Variants in LRRC37A2 observed in about 807,000 individuals in gnomAD.
LRRC37A2 encodes leucine rich repeat containing 37 member A2, also known as leucine-rich repeat-containing protein 37A2.
In LRRC37A2, 9 loss-of-function variants were observed where a neutral mutation model predicts 68.8. That is an observed-to-expected ratio of 0.13 (90% confidence interval 0.08 to 0.23). LRRC37A2 has a LOEUF of 0.23. LRRC37A2 is among the 10% of genes least tolerant of loss of function. The pLI is 1.00. For missense variants in LRRC37A2, 168 were observed against 950.4 expected (o/e 0.18, Z 10.82); for synonymous variants, 63 against 367.6 (o/e 0.17, Z 9.48).
At chr17:46,697,753 GGT>G in the LRRC37A2 span, among the ~76,000 whole-genome samples, 1 of 150,052 alleles carries the variant, frequency 6.7e-6, no homozygotes, top group Admixed American at 6.7e-5. Context: ...GGAGTGCAGT[GGT>G]GCAATCTCGG....
chr17:46,847,662 C>T, the LRRC37A2 span, among the ~76,000 whole-genome samples: 1 of 152,138 alleles, frequency 6.6e-6, no homozygotes, highest in Admixed American at 6.5e-5. Context: ...AGCATGGGCA[C>T]CTTCCCTCGG....
the LRRC37A2 span, among the ~76,000 whole-genome samples, chr17:46,969,420 G>A: frequency 3.9e-5 from 6 of 152,276 alleles, no homozygotes; most frequent in East Asian, 9.7e-4. Context: ...TGCTGGTTCC[G>A]CCACCTCCTC....
chr17:46,989,138 TGGA>T, the LRRC37A2 span, among the ~76,000 whole-genome samples: 1 of 152,118 alleles, frequency 6.6e-6, no homozygotes, highest in East Asian at 1.9e-4. Context: ...TTCTGCAAGG[TGGA>T]GGACTTTTGA....
At chr17:46,541,782 T>TA (rs1447056638) in intron 8 of LRRC37A2, among the ~76,000 whole-genome samples, 1 of 150,954 alleles carries the variant, frequency 6.6e-6, no homozygotes, top group Non-Finnish European at 1.5e-5. Context: ...ATTAGGTACT[T>TA]AGAGTATACC....
At chr17:46,943,740 C>T in the LRRC37A2 span, among the ~76,000 whole-genome samples, 5 of 152,194 alleles carry the variant, frequency 3.3e-5, no homozygotes, top group African/African-American at 7.2e-5. Context: ...ACTGATGCTA[C>T]GAGCCATGTG....
chr17:46,944,486 T>G, the LRRC37A2 span, among the ~76,000 whole-genome samples: 10 of 152,178 alleles, frequency 6.6e-5, no homozygotes, highest in Admixed American at 3.3e-4. Context: ...GCAGTGACCC[T>G]CAGCCTGGGC....
At chr17:46,839,817 G>A in the LRRC37A2 span, among the ~76,000 whole-genome samples, 6 of 152,168 alleles carry the variant, frequency 3.9e-5, no homozygotes, top group East Asian at 1.2e-3. Flanking sequence ...GAGAATGATG[G>A]TTTCCAGCTT....
At chr17:46,839,069 A>G in the LRRC37A2 span, among the ~76,000 whole-genome samples, 100 of 151,772 alleles carry the variant, frequency 6.6e-4, no homozygotes, top group Non-Finnish European at 1.0e-3. Flanking sequence ...GTAGAGACAG[A>G]CTTTCACCAT....
chr17:46,958,923 A>ATT, the LRRC37A2 span, among the ~76,000 whole-genome samples: 1 of 152,238 alleles, frequency 6.6e-6, no homozygotes, highest in Non-Finnish European at 1.5e-5. Flanking sequence ...TCCAAGAACT[A>ATT]TTACAAGGCT....
the LRRC37A2 span, among the ~76,000 whole-genome samples, chr17:46,896,072 A>G: frequency 6.6e-6 from 1 of 152,000 alleles, no homozygotes; most frequent in Non-Finnish European, 1.5e-5. Flanking sequence ...AGGTCAGGAG[A>G]TCGAGACCAT....
chr17:46,970,700 A>G, the LRRC37A2 span, among the ~76,000 whole-genome samples: 1 of 152,214 alleles, frequency 6.6e-6, no homozygotes, highest in Non-Finnish European at 1.5e-5. Flanking sequence ...GGGGGCTCAG[A>G]GACCCGGAAA....
chr17:46,904,607 G>T, the LRRC37A2 span, among the ~76,000 whole-genome samples: 5 of 152,058 alleles, frequency 3.3e-5, no homozygotes, highest in African/African-American at 9.7e-5. Context: ...CAGGTGAGTG[G>T]GTGGGTAGAT....
At chr17:47,000,597 TCTCTA>T in the LRRC37A2 span, among the ~76,000 whole-genome samples, 2 of 152,100 alleles carry the variant, frequency 1.3e-5, no homozygotes, top group African/African-American at 4.8e-5. Flanking sequence ...CCATCATGTC[TCTCTA>T]CTCCTCAATT....
At chr17:46,855,243 G>A in the LRRC37A2 span, among the ~76,000 whole-genome samples, 1 of 152,226 alleles carries the variant, frequency 6.6e-6, no homozygotes. Flanking sequence ...GGTGGAGGGA[G>A]CCTCCCTTCC....
chr17:46,842,989 G>A, the LRRC37A2 span, among the ~76,000 whole-genome samples: 1 of 152,282 alleles, frequency 6.6e-6, no homozygotes, highest in African/African-American at 2.4e-5. Flanking sequence ...AGGACCCAGG[G>A]TTCTCTCCAT....
the LRRC37A2 span, among the ~76,000 whole-genome samples, chr17:46,747,038 G>A: frequency 6.6e-6 from 1 of 152,144 alleles, no homozygotes; most frequent in Non-Finnish European, 1.5e-5. Flanking sequence ...TGGGAAAAAT[G>A]TACACATACT....
At chr17:47,041,679 CGATCCCCTGACCTCGT>C in the LRRC37A2 span, 1 of 102,974 alleles carries the variant, frequency 9.7e-6, no homozygotes, top group East Asian at 3.2e-4. Flanking sequence ...AGGATGGTCT[CGATCCCCTGACCTCGT>C]GATCCACCTG....
At chr17:46,559,011 C>T (rs1280508363), downstream of LRRC37A2, 1 of 85,120 alleles carries the variant, frequency 1.2e-5, no homozygotes, top group Non-Finnish European at 2.1e-5. Flanking sequence ...GCACACTCGG[C>T]GGTACTGCAG....
chr17:46,798,472 G>A, the LRRC37A2 span, among the ~76,000 whole-genome samples: 5 of 152,330 alleles, frequency 3.3e-5, no homozygotes, highest in East Asian at 1.9e-4. Flanking sequence ...TCAGCTTGCA[G>A]GAGAATAGCT....
Sources: gnomAD v4.1 joint callset for allele counts (sites outside exome capture counted in the v4.1 genomes callset) on GRCh38, gnomAD v4.1.1 for gene constraint, MANE v1.5 for transcripts, NCBI Gene and HGNC (gene_info 2026-07-23, HGNC 2026-07-21) for gene names.